PRDM11: variants seen among roughly 807,000 people sequenced by gnomAD.
The protein encoded by PRDM11 is PR/SET domain 11, also known as PR domain-containing protein 11.
Under a neutral mutation model 97.8 loss-of-function variants are expected in PRDM11, and 20 were observed. The observed-to-expected ratio is 0.20, with a 90% CI of 0.14 to 0.30. The LOEUF (loss-of-function observed/expected upper bound fraction) is 0.30, where lower values mean the gene tolerates loss of function less well. PRDM11 is among the 10% of genes least tolerant of loss of function. The pLI is 1.00. For synonymous variants in PRDM11, 599 were observed against 637.7 expected, an observed-to-expected ratio of 0.94 and a Z score of 0.91; for missense variants, 1,139 against 1,555.2, an observed-to-expected ratio of 0.73 and a Z score of 4.50.
chr11:45,198,572 C>T (rs1264736856), intron 4 of PRDM11, among the ~76,000 whole-genome samples: 1 of 152,190 alleles, frequency 6.6e-6, no homozygotes, highest in Non-Finnish European at 1.5e-5. Flanking sequence ...TTTGAAAATC[C>T]ATCTCTGCAG....
rs1196588612 is a variant in PRDM11, at chr11:45,226,305, C to T, written c.1680C>T (p.His560=). The part of the protein sequence containing the change: ...KQFKIHTIKL[H]SQSNLHKKCL... The stretch of plus-strand genomic sequence containing the variant: ...TTAAGATTCACACCATCAAACTTCA[C>T]AGCCAGAGCAACCTGCACAAGAAGT... The change falls in exon 8 of 8, where the codon CAC becomes CAT. Residue 560 remains histidine, a synonymous_variant. Coordinates refer to ENST00000683152, the MANE Select transcript of PRDM11 (RefSeq NM_001384648.1). The T allele has an allele frequency of 6.5e-7, 1 of 1,533,974 alleles. No homozygotes were observed. Among genetic ancestry groups the T allele is most frequent in the African/African-American group, 1.4e-5 (1 of 73,110 alleles).
chr11:45,209,058 C>T (rs1853618861), intron 5 of PRDM11: 3 of 456,704 alleles, frequency 6.6e-6, no homozygotes, highest in Non-Finnish European at 1.3e-5. Flanking sequence ...CTCCGTCAGC[C>T]AGGTGCCCCG....
In PRDM11 at chr11:45,226,394, C is replaced by A. The variant is rs1362041225; in HGVS notation, c.1769C>A (p.Thr590Asn). The A allele has an allele frequency of 2.6e-6, 4 of 1,533,978 alleles. No individual in the cohort carries two copies. In the Admixed American group the frequency reaches 7.8e-5, roughly 30 times the overall value. Reference protein sequence around the residue: ...EKTEEMCRNMTLLFNTAYHLA... With the variant: ...EKTEEMCRNMNLLFNTAYHLA... ...ACAGAGGAGATGTGTCGCAACATGA[C>A]CCTGCTCTTCAACACCGCCTACCAC... Residue 590 changes from threonine (T) to asparagine (N), a missense_variant, in exon 8 of 8, where the codon ACC (threonine) becomes AAC (asparagine). Physicochemically the swap from Thr to Asn is moderately conservative, Grantham distance 65. Coordinates refer to ENST00000683152, the MANE Select transcript of PRDM11 (RefSeq NM_001384648.1).
chr11:45,154,482 T>C (rs1279186689), intron 1 of PRDM11, among the ~76,000 whole-genome samples: 1 of 152,222 alleles, frequency 6.6e-6, no homozygotes, highest in Non-Finnish European at 1.5e-5. Context: ...GAGCCTCCGC[T>C]GAAATGATAC....
At chr11:45,215,319 AT>A (rs1157296789) in intron 5 of PRDM11, among the ~76,000 whole-genome samples, 1 of 152,202 alleles carries the variant, frequency 6.6e-6, no homozygotes, top group Non-Finnish European at 1.5e-5. Context: ...CAGGCAGGAA[AT>A]CCCCTAGTCT....
At chr11:45,217,299 G>T (rs1429726269) in intron 5 of PRDM11, among the ~76,000 whole-genome samples, 1 of 152,108 alleles carries the variant, frequency 6.6e-6, no homozygotes, top group Admixed American at 6.5e-5. Flanking sequence ...AGGAAAAGGG[G>T]CTCTTTTCCT....
intron 4 of PRDM11, among the ~76,000 whole-genome samples, chr11:45,194,053 G>A (rs184304767): frequency 6.6e-6 from 1 of 152,306 alleles, no homozygotes; most frequent in Admixed American, 6.5e-5. Flanking sequence ...TTGAACGTAA[G>A]GTCAAGGAGC....
Position 45,107,414 on chromosome 11 carries a change from C to T in PRDM11, c.96+11513C>T, listed in dbSNP as rs1438323140. 2.6e-5 allele frequency among the ~76,000 whole-genome samples: 4 copies of T among 152,188 alleles called. No homozygotes were observed. In the East Asian group the frequency reaches 7.7e-4, roughly 29 times the overall value. On this transcript the variant is annotated intron_variant, in intron 1 of 6. Transcript: ENST00000530656. ...AGGCAAAAATTAGGTACACACAAAA[C>T]GACCCTTGAGAACCTCTTATGCTCC... is the stretch of plus-strand genomic sequence containing the variant.
chr11:45,170,491 C>T (rs1852176590), intron 1 of PRDM11, among the ~76,000 whole-genome samples: 2 of 152,174 alleles, frequency 1.3e-5, no homozygotes, highest in Admixed American at 6.5e-5. Flanking sequence ...GGCGGAAGAG[C>T]ATCTCAGGCA....
upstream of PRDM11, among the ~76,000 whole-genome samples, chr11:45,145,875 G>C (rs1484701357): frequency 8.5e-5 from 13 of 152,116 alleles, no homozygotes; most frequent in Non-Finnish European, 1.9e-4. Context: ...CCCCGGCCCA[G>C]TCTTTCCCTC....
upstream of PRDM11, among the ~76,000 whole-genome samples, chr11:45,143,091 A>G (rs1175072496): frequency 6.6e-6 from 1 of 152,220 alleles, no homozygotes; most frequent in Non-Finnish European, 1.5e-5. Context: ...TTAGCAAGGA[A>G]GATGCTTGCC....
At chr11:45,220,764 G>T (rs1854097729) in intron 6 of PRDM11, among the ~76,000 whole-genome samples, 1 of 152,214 alleles carries the variant, frequency 6.6e-6, no homozygotes. Context: ...TGACTTAGGT[G>T]TGGGAAGCCG....
At chr11:45,094,675 G>A (rs1851860548), upstream of PRDM11, among the ~76,000 whole-genome samples, 1 of 135,662 alleles carries the variant, frequency 7.4e-6, no homozygotes, top group African/African-American at 2.7e-5. Flanking sequence ...AGGAAGGAGG[G>A]ATGGAAGGAT....
chr11:45,167,759 CCACACACACACACACA>C (rs34333065), intron 1 of PRDM11, among the ~76,000 whole-genome samples: 1,763 of 143,314 alleles, frequency 0.012, 36 homozygotes, highest in African/African-American at 0.041. Context: ...TCATTTCACA[CCACACACACACACACA>C]CACACACACA....
At chr11:45,224,992 G>T in intron 7 of PRDM11, 149 bp downstream of exon 7, 1 of 1,500,128 alleles carries the variant, frequency 6.7e-7, no homozygotes. Context: ...TGGGAGCCCA[G>T]GTCCTCAGTG....
At chr11:45,211,479 G>T (rs1022893737) in intron 5 of PRDM11, among the ~76,000 whole-genome samples, 4 of 152,138 alleles carry the variant, frequency 2.6e-5, no homozygotes, top group African/African-American at 9.7e-5. Context: ...CATGTGCAGA[G>T]GCTGGGCCCC....
chr11:45,113,788 T>TTGTG lies in PRDM11; in HGVS notation c.96+17921_96+17924dup, dbSNP rs142584346. On this transcript the variant is annotated intron_variant, in intron 1 of 6. Transcript: ENST00000530656. The stretch of plus-strand genomic sequence containing the variant: ...GTTGGTGTATAAGAGTGCTACTGAT[T>TTGTG]TGTGTGTGTGTGTGTGTGTGTGTGT... Among the ~76,000 whole-genome samples the TTGTG allele has an allele frequency of 9.3e-3, 1,271 of 137,162 alleles. 17 individuals are homozygous for TTGTG. Among genetic ancestry groups the TTGTG allele is most frequent in the East Asian group, 0.035 (165 of 4,756 alleles). 90.0% of individuals were successfully genotyped at this position (137,162 alleles called of 152,430 possible).
intron 1 of PRDM11, among the ~76,000 whole-genome samples, chr11:45,107,348 A>G (rs572091508): frequency 2.0e-5 from 3 of 152,356 alleles, no homozygotes; most frequent in African/African-American, 7.2e-5. Context: ...TTATAGTTCA[A>G]TGAGTCATAG....
At chr11:45,097,989 A>C (rs1851912648) in intron 1 of PRDM11, among the ~76,000 whole-genome samples, 1 of 152,244 alleles carries the variant, frequency 6.6e-6, no homozygotes, top group Non-Finnish European at 1.5e-5. Flanking sequence ...ATTGGAGATG[A>C]AAAATCCATT....
Sources: gnomAD v4.1 joint callset for allele counts (sites outside exome capture counted in the v4.1 genomes callset) on GRCh38, gnomAD v4.1.1 for gene constraint, MANE v1.5 for transcripts, NCBI Gene and HGNC (gene_info 2026-07-23, HGNC 2026-07-21) for gene names.